SLC9B1: variants seen among roughly 807,000 people sequenced by gnomAD.
SLC9B1 encodes the protein solute carrier family 9 member B1.
A neutral mutation model predicts 51.7 loss-of-function variants in SLC9B1; 32 were observed. That is an observed-to-expected ratio of 0.62 (90% CI 0.47 to 0.83). SLC9B1 has a LOEUF of 0.83. Ranked by LOEUF, SLC9B1 falls within the 40% of genes least tolerant of loss-of-function variation. The probability of loss-of-function intolerance (pLI) is 0.00; values close to 1 mark genes in which losing one functional copy is unlikely to be tolerated. For missense variants in SLC9B1, 406 were observed against 613.2 expected (o/e 0.66, Z 3.57); for synonymous variants, 145 against 212.7 (o/e 0.68, Z 2.77).
intron 1 of SLC9B1, among the ~76,000 whole-genome samples, chr4:102,999,681 C>T (rs954455424): frequency 2.0e-5 from 3 of 152,116 alleles, no homozygotes; most frequent in Admixed American, 2.0e-4. Context: ...AGAGATTGAG[C>T]TCAGTTGATA....
chr4:102,972,907 A>T (rs1738839492), intron 3 of SLC9B1, among the ~76,000 whole-genome samples: 1 of 152,156 alleles, frequency 6.6e-6, no homozygotes, highest in South Asian at 2.1e-4. Context: ...TTTAAAATTA[A>T]TTTTTTAATT....
At position 102,951,696 on chromosome 4, in the gene SLC9B1, AC is replaced by A. The variant is rs763946017; in HGVS notation, c.212-2270del. Among the ~76,000 whole-genome samples, 502 of 151,194 alleles carry A rather than the reference AC, an allele frequency of 3.3e-3. 6 individuals carry two copies. The highest frequency in any genetic ancestry group is 0.017 in the Middle Eastern group (5 of 294). ...TTACTTAAGAGCATAGCACACACAC[AC>A]AAAAAAATGAGGTGGAAAATGAGAG... On this transcript the variant is annotated intron_variant, in intron 3 of 11. Transcript: ENST00000296422.
chr4:102,889,963 A>G (rs1170701890), intron 11 of SLC9B1: 1 of 145,714 alleles, frequency 6.9e-6, no homozygotes, highest in Admixed American at 6.9e-5. Context: ...AGAGCCTTCA[A>G]AATACAGCCC....
At chr4:102,915,938 C>T (rs1343501309) in intron 7 of SLC9B1, among the ~76,000 whole-genome samples, 4 of 151,680 alleles carry the variant, frequency 2.6e-5, no homozygotes, top group Non-Finnish European at 5.9e-5. Context: ...ACAGAAGATA[C>T]ACAAATAAAC....
intron 1 of SLC9B1, among the ~76,000 whole-genome samples, chr4:103,013,306 C>A (rs1463234662): frequency 6.6e-6 from 1 of 152,200 alleles, no homozygotes; most frequent in Non-Finnish European, 1.5e-5. Flanking sequence ...AAGCTTCCTG[C>A]AATGCACACT....
At chr4:102,987,198 C>T (rs1038506965) in intron 3 of SLC9B1, among the ~76,000 whole-genome samples, 13 of 151,956 alleles carry the variant, frequency 8.6e-5, no homozygotes, top group African/African-American at 3.1e-4. Flanking sequence ...TCAAAAAATG[C>T]TTTTCTGGTT....
chr4:103,001,009 C>T (rs917430470), intron 1 of SLC9B1, among the ~76,000 whole-genome samples: 1 of 152,224 alleles, frequency 6.6e-6, no homozygotes, highest in African/African-American at 2.4e-5. Flanking sequence ...CAGTCATTTC[C>T]ATACATCTTC....
chr4:102,917,836 G>A (rs563488626), intron 7 of SLC9B1, among the ~76,000 whole-genome samples: 6 of 152,094 alleles, frequency 3.9e-5, no homozygotes, highest in South Asian at 4.2e-4. Flanking sequence ...TTGGGAGGCC[G>A]AGGCAGGCAG....
At chr4:103,014,664 C>T (rs1171370653) in intron 1 of SLC9B1, among the ~76,000 whole-genome samples, 1 of 151,988 alleles carries the variant, frequency 6.6e-6, no homozygotes, top group African/African-American at 2.4e-5. Flanking sequence ...TATTTTATAC[C>T]ATCAATTATT....
chr4:103,010,062 T>G (rs1355796419), intron 1 of SLC9B1, among the ~76,000 whole-genome samples: 1 of 152,240 alleles, frequency 6.6e-6, no homozygotes, highest in Non-Finnish European at 1.5e-5. Flanking sequence ...ATTAGTCAGA[T>G]AGTACCTTGA....
intron 7 of SLC9B1, among the ~76,000 whole-genome samples, chr4:102,923,005 CT>C (rs965343708): frequency 6.6e-6 from 1 of 152,202 alleles, no homozygotes; most frequent in Non-Finnish European, 1.5e-5. Context: ...ACCATTCTTT[CT>C]GAAACTATTC....
chr4:102,925,363 T>C (rs1476592131), intron 7 of SLC9B1, among the ~76,000 whole-genome samples: 6 of 152,004 alleles, frequency 3.9e-5, no homozygotes, highest in Admixed American at 1.3e-4. Flanking sequence ...ATGAGAACAC[T>C]TGGACACAGG....
chr4:102,974,416 T>G (rs991604307), intron 3 of SLC9B1, among the ~76,000 whole-genome samples: 6 of 151,792 alleles, frequency 4.0e-5, no homozygotes, highest in Non-Finnish European at 8.8e-5. Context: ...GACACACTTC[T>G]GGTAAGATTG....
At chr4:102,887,247 G>T (rs1228156951) in intron 11 of SLC9B1, 1 of 753,356 alleles carries the variant, frequency 1.3e-6, no homozygotes, top group African/African-American at 1.7e-5. Flanking sequence ...TTTTTAGCAA[G>T]TGATATGCTT....
At chr4:102,990,658 G>A (rs977721499) in intron 2 of SLC9B1, among the ~76,000 whole-genome samples, 1 of 151,818 alleles carries the variant, frequency 6.6e-6, no homozygotes, top group Non-Finnish European at 1.5e-5. Context: ...TGATTGTCAT[G>A]GGTGGGTGGG....
intron 1 of SLC9B1, among the ~76,000 whole-genome samples, chr4:102,998,747 C>T (rs933561702): frequency 6.6e-5 from 10 of 152,090 alleles, no homozygotes; most frequent in Admixed American, 2.0e-4. Context: ...ATGGTATCTA[C>T]TGTAGTTTTC....
intron 7 of SLC9B1, among the ~76,000 whole-genome samples, chr4:102,923,886 A>C (rs528401799): frequency 3.2e-4 from 48 of 152,304 alleles, no homozygotes; most frequent in African/African-American, 1.1e-3. Context: ...ACTACAAACC[A>C]CTTCTCAACG....
chr4:102,949,856 GAGGCTGGGTCAGGAGA>G (rs1737457070), intron 3 of SLC9B1, among the ~76,000 whole-genome samples: 1 of 152,084 alleles, frequency 6.6e-6, no homozygotes, highest in Non-Finnish European at 1.5e-5. Flanking sequence ...AGCTACATGG[GAGGCTGGGTCAGGAGA>G]ATTGCTTGAA....
intron 3 of SLC9B1, among the ~76,000 whole-genome samples, chr4:102,972,964 A>G (rs938134255): frequency 1.3e-5 from 2 of 152,202 alleles, no homozygotes; most frequent in Non-Finnish European, 2.9e-5. Flanking sequence ...GTAATCGTGA[A>G]TAGAATAGAA....
Sources: allele counts gnomAD v4.1 joint callset (sites outside exome capture counted in the v4.1 genomes callset), GRCh38; gene constraint gnomAD v4.1.1; transcripts MANE v1.5; gene names NCBI Gene and HGNC (gene_info 2026-07-23, HGNC 2026-07-21).